Variants in TMEM207 observed in about 807,000 individuals in gnomAD.
TMEM207 encodes the protein SRSR846.
TMEM207 carries 15 observed loss-of-function variants against 17.4 expected under a neutral mutation model. The observed-to-expected ratio is 0.86, with a 90% CI of 0.58 to 1.33. The LOEUF (loss-of-function observed/expected upper bound fraction) is 1.33, where lower values mean the gene tolerates loss of function less well. TMEM207 is among the 40% of genes most tolerant of loss of function. The pLI, the probability that TMEM207 is intolerant of heterozygous loss-of-function variation, is 0.00. For synonymous variants in TMEM207, 70 were observed against 65.6 expected (o/e 1.07, Z -0.33); for missense variants, 205 against 173.8 (o/e 1.18, Z -1.01).
At chr3:190,432,964 G>T (rs1222445260) in intron 4 of TMEM207, among the ~76,000 whole-genome samples, 1 of 152,146 alleles carries the variant, frequency 6.6e-6, no homozygotes, top group African/African-American at 2.4e-5. Context: ...GCTCAGGAAA[G>T]GCAGGGAACC....
At chr3:190,443,273 G>A (rs1220893653) in intron 2 of TMEM207, among the ~76,000 whole-genome samples, 2 of 150,082 alleles carry the variant, frequency 1.3e-5, no homozygotes, top group African/African-American at 4.9e-5. Flanking sequence ...TTTGAAAATA[G>A]CCCCTTTACT....
At chr3:190,433,377 T>G (rs1466354520) in intron 4 of TMEM207, among the ~76,000 whole-genome samples, 3 of 152,296 alleles carry the variant, frequency 2.0e-5, no homozygotes, top group Admixed American at 2.0e-4. Context: ...CCTTTGACAT[T>G]GCCTACTTTT....
chr3:190,439,322 TTTTG>T (rs1200676815), intron 4 of TMEM207, among the ~76,000 whole-genome samples: 9 of 152,020 alleles, frequency 5.9e-5, no homozygotes, highest in African/African-American at 2.2e-4. Flanking sequence ...GTTAACAAAT[TTTTG>T]TTTATTTTTA....
chr3:190,438,188 T>C (rs1719844370), intron 4 of TMEM207, among the ~76,000 whole-genome samples: 1 of 151,806 alleles, frequency 6.6e-6, no homozygotes, highest in Non-Finnish European at 1.5e-5. Context: ...ATGGCACATG[T>C]ATACATATGT....
intron 4 of TMEM207, 44 bp downstream of exon 4, chr3:190,440,200 C>A: frequency 6.4e-7 from 1 of 1,565,698 alleles, no homozygotes; most frequent in Non-Finnish European, 8.6e-7. Context: ...ACCGCAAAAC[C>A]ACAAAGTATC....
chr3:190,439,147 C>T (rs528386849), intron 4 of TMEM207, among the ~76,000 whole-genome samples: 1 of 142,048 alleles, frequency 7.0e-6, no homozygotes, highest in African/African-American at 2.7e-5. Context: ...ACGGCACTCC[C>T]GCCTGGGCGA....
chr3:190,449,483 T>C (rs1418408102), intron 1 of TMEM207, among the ~76,000 whole-genome samples: 1 of 152,184 alleles, frequency 6.6e-6, no homozygotes, highest in Non-Finnish European at 1.5e-5. Context: ...AAACAAAGGT[T>C]AAATTTGCAA....
At chr3:190,440,818 C>T (rs1384191963) in intron 3 of TMEM207, among the ~76,000 whole-genome samples, 1 of 152,156 alleles carries the variant, frequency 6.6e-6, no homozygotes, top group African/African-American at 2.4e-5. Context: ...CCTGTAATCC[C>T]AGCACTTTGG....
At position 190,429,559 on chromosome 3, in the gene TMEM207, T is replaced by G; in HGVS notation, c.*36A>C. 6.2e-7 allele frequency: 1 copy of G among 1,606,560 alleles called. No homozygotes were observed. The highest frequency in any genetic ancestry group is 8.5e-7 in the Non-Finnish European group (1 of 1,175,028). On this transcript the variant is annotated 3_prime_UTR_variant, in exon 5 of 5. Transcript: ENST00000354905. ...ATTTGATGTTTTGGAATTACAGATG[T>G]CGTTAATACTTTAAATTGATAATCC...
At chr3:190,439,646 T>C (rs949431204) in intron 4 of TMEM207, among the ~76,000 whole-genome samples, 52 of 152,162 alleles carry the variant, frequency 3.4e-4, no homozygotes, top group African/African-American at 1.2e-3. Flanking sequence ...TCCTCTGTTC[T>C]TTACTTCCTT....
At position 190,438,289 on chromosome 3, in the gene TMEM207, G is replaced by GT. The variant is rs568899556; in HGVS notation, c.304+1954dup. Among the ~76,000 whole-genome samples the GT allele has an allele frequency of 4.9e-4, 71 of 145,130 alleles. No homozygotes were observed. The South Asian group carries it at 9.9e-3, about 20-fold the overall frequency. On this transcript the variant is annotated intron_variant, in intron 4 of 4. Transcript: ENST00000354905. ...AGCAATTTATCCCCAAGGTTGTTTG[G>GT]TTTTTTTTTCTTTTTTTTTTTGCCT...
intron 2 of TMEM207, among the ~76,000 whole-genome samples, chr3:190,442,952 C>A (rs1378848892): frequency 1.3e-5 from 2 of 152,192 alleles, no homozygotes; most frequent in Admixed American, 1.3e-4. Context: ...GAAGTGCCCA[C>A]TTCTCTTGAA....
chr3:190,447,262 T>C (rs1257295631), intron 2 of TMEM207, among the ~76,000 whole-genome samples: 1 of 152,174 alleles, frequency 6.6e-6, no homozygotes, highest in African/African-American at 2.4e-5. Context: ...CACCTTCTCT[T>C]CATCTCCTGA....
intron 2 of TMEM207, among the ~76,000 whole-genome samples, chr3:190,441,829 A>C (rs567977594): frequency 1.3e-4 from 20 of 152,352 alleles, no homozygotes; most frequent in Admixed American, 1.2e-3. Context: ...GGTATTAGGT[A>C]GATAACCATT....
At position 190,433,415 on chromosome 3, in the gene TMEM207, AAC is replaced by A. The variant is rs554167278; in HGVS notation, c.305-3686_305-3685del. On this transcript the variant is annotated intron_variant, in intron 4 of 4. Coordinates refer to ENST00000354905, the MANE Select transcript of TMEM207 (RefSeq NM_207316.3). ...TATACAAATTTAAAAAATAAAACAA[AAC>A]AATTAACCTAATCAACAAAACCAAA... is the stretch of plus-strand genomic sequence containing the variant. Among the ~76,000 whole-genome samples, 424 of 152,274 alleles carry A rather than the reference AAC, an allele frequency of 2.8e-3. 2 individuals carry two copies. The highest frequency in any genetic ancestry group is 4.7e-3 in the Non-Finnish European group (318 of 68,012).
rs886120960 is a variant in TMEM207, at chr3:190,429,389, C to T, written c.*206G>A. ...GCATAAAAGTATGATACAGCAGTGA[C>T]ACATCAAAAGCCTGCTACTTTACTA... On this transcript the variant is annotated 3_prime_UTR_variant, in exon 5 of 5. Transcript: ENST00000354905. 16 of 571,574 alleles carry T rather than the reference C, an allele frequency of 2.8e-5. No homozygotes were observed. The highest frequency in any genetic ancestry group is 4.3e-5 in the Non-Finnish European group (14 of 326,502). The allele number at this position is 571,574 out of a possible 1,614,324, so 35.4% of individuals were successfully genotyped here.
Position 190,429,192 on chromosome 3 carries a change from G to T in TMEM207, c.*403C>A, listed in dbSNP as rs1719635700. On this transcript the variant is annotated 3_prime_UTR_variant, in exon 5 of 5. Transcript: ENST00000354905. The stretch of plus-strand genomic sequence containing the variant: ...CTGGACATGTTGGATTCTCGGCTTG[G>T]GCTATTGTTAAATTATAATAATTTT... 1 of 155,910 alleles carries T rather than the reference G, an allele frequency of 6.4e-6. No individual in the cohort carries two copies. The allele number at this position is 155,910 out of a possible 1,614,324, so 9.7% of individuals were successfully genotyped here. A position where few individuals can be genotyped will look rare whatever the true frequency, so the allele number is the denominator to read the frequency against.
chr3:190,447,873 C>T, intron 1 of TMEM207, 46 bp from the exon 2 acceptor site: 2 of 1,572,616 alleles, frequency 1.3e-6, no homozygotes, highest in Non-Finnish European at 1.7e-6. Context: ...TCTCATCAGT[C>T]TAATCCTTTA....
At chr3:190,443,611 G>A (rs1719982663) in intron 2 of TMEM207, among the ~76,000 whole-genome samples, 1 of 152,070 alleles carries the variant, frequency 6.6e-6, no homozygotes, top group African/African-American at 2.4e-5. Flanking sequence ...TACGTAGTCA[G>A]AGAACTACAC....
Sources: allele counts gnomAD v4.1 joint callset (sites outside exome capture counted in the v4.1 genomes callset), GRCh38; gene constraint gnomAD v4.1.1; transcripts MANE v1.5; gene names NCBI Gene and HGNC (gene_info 2026-07-23, HGNC 2026-07-21).